Variants in RGS12 observed in about 807,000 individuals in gnomAD.
The protein encoded by RGS12 is regulator of G-protein signaling 12.
A neutral mutation model predicts 120.1 loss-of-function variants in RGS12; 66 were observed. The ratio of observed to expected loss-of-function variants is 0.55; its 90% CI spans 0.45 to 0.67. The LOEUF is 0.67. RGS12 is among the 30% of genes least tolerant of loss of function. The pLI is 0.00. For missense variants in RGS12, 1,859 were observed against 1,957.7 expected (o/e 0.95, Z 0.95); for synonymous variants, 827 against 804.7 (o/e 1.03, Z -0.47).
chr4:3,350,948 C>T lies in RGS12; in HGVS notation c.1998+7895C>T, dbSNP rs371589152. ...GAATTTTGGTCATGAAACAGAAAAA[C>T]ATAGTAATACAAATTCACTGGTTTA... On this transcript the variant is annotated intron_variant, in intron 3 of 17. Transcript: ENST00000336727. 9.9e-5 allele frequency among the ~76,000 whole-genome samples: 15 copies of T among 151,744 alleles called. No individual in the cohort carries two copies. The East Asian group carries it at 2.1e-3, about 21-fold the overall frequency.
chr4:3,288,539 C>T (rs1462052122), upstream of RGS12, among the ~76,000 whole-genome samples: 3 of 152,170 alleles, frequency 2.0e-5, no homozygotes, highest in Non-Finnish European at 4.4e-5. The surrounding 1 kb of genome is among the most constrained non-coding windows in gnomAD (Gnocchi z 5.2). Context: ...CGAACCCCAA[C>T]TCTCTCGGGA....
At chr4:3,387,272 A>G (rs1005799753) in intron 4 of RGS12, among the ~76,000 whole-genome samples, 10 of 152,192 alleles carry the variant, frequency 6.6e-5, no homozygotes, top group South Asian at 4.1e-4. Flanking sequence ...TTGAGGTGCC[A>G]CTGTATTTGT....
At chr4:3,423,222 C>G (rs1026777500) in intron 12 of RGS12, among the ~76,000 whole-genome samples, 1 of 152,188 alleles carries the variant, frequency 6.6e-6, no homozygotes, top group African/African-American at 2.4e-5. Context: ...TGAGCCCAGC[C>G]CCCTAAGATG....
intron 1 of RGS12, among the ~76,000 whole-genome samples, chr4:3,296,721 C>T (rs1415305346): frequency 6.6e-6 from 1 of 152,238 alleles, no homozygotes; most frequent in African/African-American, 2.4e-5. Flanking sequence ...TGCCTCTTCT[C>T]TGGGATGGGC....
At chr4:3,423,674 C>T (rs771869367) in intron 13 of RGS12, 33 bp downstream of exon 13, 19 of 1,588,156 alleles carry the variant, frequency 1.2e-5, no homozygotes, top group South Asian at 3.3e-5. Flanking sequence ...GCGTCGTCAC[C>T]GCAGGCACTG....
At position 3,365,614 on chromosome 4, in the gene RGS12, C is replaced by T. The variant is rs1157779052; in HGVS notation, c.1999-20802C>T. ...TTGATAATGTTGGCTTCTTCCTGGC[C>T]TCCCACTCACCTCTGGGACGACGTG... On this transcript the variant is annotated intron_variant, in intron 3 of 17. Transcript: ENST00000336727. The surrounding 1 kb of genome is among the most constrained non-coding windows in gnomAD (Gnocchi z 4.0). Among the ~76,000 whole-genome samples, 1 of 152,178 alleles carries T rather than the reference C, an allele frequency of 6.6e-6. No homozygotes were observed. The highest frequency in any genetic ancestry group is 1.5e-5 in the Non-Finnish European group (1 of 68,032).
intron 3 of RGS12, among the ~76,000 whole-genome samples, chr4:3,355,849 C>T (rs1377335261): frequency 6.9e-6 from 1 of 144,796 alleles, no homozygotes; most frequent in Admixed American, 6.9e-5. Context: ...TCCAAAGTAT[C>T]TGTAGATCAG....
At chr4:3,422,276 C>T in intron 10 of RGS12, 100 bp from the exon 11 acceptor site, 2 of 1,257,754 alleles carry the variant, frequency 1.6e-6, no homozygotes, top group Non-Finnish European at 2.2e-6. Context: ...CGCCAGCCTC[C>T]CCAGCACGTG....
Position 3,316,554 on chromosome 4 carries a change from A to G in RGS12, c.384A>G (p.Ala128=), listed in dbSNP as rs962006446. The stretch of plus-strand genomic sequence containing the variant: ...TGAAGCCCAAGCTGGATTCTAAAGC[A>G]CTAGGTATAAACAGAGCAGAGCGAG... ...GWLKPKLDSK[A]LGINRAERVV... Residue 128 remains alanine, a synonymous_variant, in exon 2 of 18, where the codon GCA becomes GCG. Transcript: ENST00000336727. 2.5e-6 allele frequency: 4 copies of G among 1,614,102 alleles called. No homozygotes were observed. Among genetic ancestry groups the G allele is most frequent in the East Asian group, 2.2e-5 (1 of 44,898 alleles).
chr4:3,344,251 G>A (rs2108782205), intron 3 of RGS12, among the ~76,000 whole-genome samples: 1 of 152,266 alleles, frequency 6.6e-6, no homozygotes. Context: ...TTTAGCTTTG[G>A]TCTCTCCGGG....
intron 3 of RGS12, among the ~76,000 whole-genome samples, chr4:3,378,995 G>C (rs1033509278): frequency 2.1e-5 from 3 of 144,846 alleles, no homozygotes; most frequent in African/African-American, 7.6e-5. Flanking sequence ...AGGGATAAAG[G>C]AAATGTGCGA....
At chr4:3,338,648 C>T (rs905203824) in intron 2 of RGS12, among the ~76,000 whole-genome samples, 92 of 130,026 alleles carry the variant, frequency 7.1e-4, no homozygotes, top group African/African-American at 3.3e-3. Context: ...CTGTGGTTGG[C>T]GGGCGGGCGG....
At chr4:3,397,840 C>T (rs941375601) in intron 4 of RGS12, among the ~76,000 whole-genome samples, 13 of 152,118 alleles carry the variant, frequency 8.5e-5, no homozygotes, top group African/African-American at 1.2e-4. Context: ...GCAGAAAAGG[C>T]GAGTCTCAAA....
At position 3,389,045 on chromosome 4, in the gene RGS12, T is replaced by C. The variant is rs1719171347; in HGVS notation, c.2020+2608T>C. On this transcript the variant is annotated intron_variant, in intron 4 of 17. Transcript: ENST00000336727. This position sits in a 1 kb window ranked among gnomAD's most constrained non-coding sequence, Gnocchi z 5.2. Reference sequence around the variant, plus strand: ...TTTTGTGTTCAACGAGCCGTGCCAGTGAGAGAGTTCGTGTTCATGCCACGG... The same window carrying C: ...TTTTGTGTTCAACGAGCCGTGCCAGCGAGAGAGTTCGTGTTCATGCCACGG... 6.6e-6 allele frequency among the ~76,000 whole-genome samples: 1 copy of C among 152,206 alleles called. No individual in the cohort carries two copies. Among genetic ancestry groups the C allele is most frequent in the South Asian group, 2.1e-4 (1 of 4,832 alleles).
chr4:3,406,189 G>A (rs1465154359), intron 4 of RGS12, among the ~76,000 whole-genome samples: 4 of 152,218 alleles, frequency 2.6e-5, no homozygotes, highest in Admixed American at 1.3e-4. Context: ...CGGCCAGAAA[G>A]GAGTGCAGAA....
At chr4:3,435,579 G>A (rs1387906589) in intron 17 of RGS12, among the ~76,000 whole-genome samples, 1 of 147,132 alleles carries the variant, frequency 6.8e-6, no homozygotes, top group Admixed American at 6.9e-5. Context: ...TCTCCCCAGA[G>A]CCCTGTCTCC....
chr4:3,375,075 G>A (rs554234230), intron 3 of RGS12, among the ~76,000 whole-genome samples: 2 of 152,330 alleles, frequency 1.3e-5, no homozygotes, highest in East Asian at 3.9e-4. Flanking sequence ...GGGTATGCCA[G>A]ACACCGCCAA....
upstream of RGS12, among the ~76,000 whole-genome samples, chr4:3,291,494 G>A (rs1285089725): frequency 6.6e-6 from 1 of 152,138 alleles, no homozygotes; most frequent in Non-Finnish European, 1.5e-5. Context: ...CTATAGGCGC[G>A]TGCCACCACG....
chr4:3,422,917 C>A lies in RGS12; in HGVS notation c.3046C>A (p.His1016Asn), dbSNP rs1467005252. 8.1e-6 allele frequency: 13 copies of A among 1,613,146 alleles called. No individual in the cohort carries two copies. The highest frequency in any genetic ancestry group is 1.1e-5 in the Non-Finnish European group (13 of 1,179,916). ...LVGGDKPLVL[H>N]QDSSILESRD... Reference sequence around the variant, plus strand: ...CTCTGTTCCTCAGCCTCTGGTGCTGCACCAAGACAGTAGCATCTTGGAGTC... The same window carrying A: ...CTCTGTTCCTCAGCCTCTGGTGCTGAACCAAGACAGTAGCATCTTGGAGTC... Residue 1016 changes from histidine (H) to asparagine (N), a missense_variant, in exon 12 of 18, where the codon CAC becomes AAC. Coordinates refer to ENST00000336727, the MANE Select transcript of RGS12 (RefSeq NM_001394154.1).
Sources: gnomAD v4.1 joint callset for allele counts (sites outside exome capture counted in the v4.1 genomes callset) on GRCh38, gnomAD v4.1.1 for gene constraint, Gnocchi (gnomAD v3.1) non-coding constraint, MANE v1.5 for transcripts, NCBI Gene and HGNC (gene_info 2026-07-23, HGNC 2026-07-21) for gene names.